Variants in MED12L observed in about 807,000 individuals in gnomAD.
The protein encoded by MED12L is mediator of RNA polymerase II transcription subunit 12-like protein.
Under a neutral mutation model 281.3 loss-of-function variants are expected in MED12L, and 60 were observed. The observed-to-expected ratio is 0.21, with a 90% CI of 0.17 to 0.26. The LOEUF (loss-of-function observed/expected upper bound fraction) is 0.26. Ranked by LOEUF, MED12L falls within the 10% of genes least tolerant of loss-of-function variation. The probability of loss-of-function intolerance (pLI) is 1.00; values close to 1 mark genes in which losing one functional copy is unlikely to be tolerated. For synonymous variants in MED12L, 974 were observed against 987.2 expected, an observed-to-expected ratio of 0.99 and a Z score of 0.25; for missense variants, 2,146 against 2,680.9, an observed-to-expected ratio of 0.80 and a Z score of 4.41.
chr3:151,369,376 T>C, intron 25 of MED12L, 60 bp from the exon 26 acceptor site: 1 of 1,209,960 alleles, frequency 8.3e-7, no homozygotes, highest in Non-Finnish European at 1.2e-6. Flanking sequence ...TGCCTGTAAA[T>C]AATTACAAAA....
At chr3:151,122,715 A>G in intron 3 of MED12L, 68 bp from the exon 4 acceptor site, 1 of 1,028,718 alleles carries the variant, frequency 9.7e-7, no homozygotes, top group South Asian at 2.5e-5. Context: ...AAAGAAAAAT[A>G]CTAATGTACA....
intron 11 of MED12L, among the ~76,000 whole-genome samples, chr3:151,181,734 C>T (rs1722727432): frequency 1.3e-5 from 2 of 151,794 alleles, no homozygotes; most frequent in African/African-American, 4.8e-5. Context: ...TACAGGCATG[C>T]GCCACCATAC....
intron 5 of MED12L, among the ~76,000 whole-genome samples, chr3:151,138,315 CTT>C (rs1175613789): frequency 1.8e-4 from 28 of 151,968 alleles, no homozygotes; most frequent in Admixed American, 1.8e-3. Flanking sequence ...GTTAAAAAAA[CTT>C]TTTAGATTTA....
chr3:151,106,233 CTTCCT>C (rs574571446), intron 2 of MED12L, among the ~76,000 whole-genome samples: 56 of 139,456 alleles, frequency 4.0e-4, no homozygotes, highest in South Asian at 2.4e-3. Context: ...TCCTTCCTTC[CTTCCT>C]TTCCTTTCCT....
Position 151,221,602 on chromosome 3 carries a change from G to T in MED12L, c.2250+27936G>T, listed in dbSNP as rs1344328027. Reference sequence around the variant, plus strand: ...AGAGCTCAGGTCATGGCTTCAGAGGGTGCAAGCCTCAAGCCTTGGCAGCTT... The same window carrying T: ...AGAGCTCAGGTCATGGCTTCAGAGGTTGCAAGCCTCAAGCCTTGGCAGCTT... On this transcript the variant is annotated intron_variant, in intron 16 of 44. Transcript: ENST00000687756. 3.3e-5 allele frequency among the ~76,000 whole-genome samples: 5 copies of T among 152,178 alleles called. No individual in the cohort carries two copies. In the East Asian group the frequency reaches 9.7e-4, roughly 29 times the overall value.
rs577591583 is a variant in MED12L, at chr3:151,109,308, C to T, written c.100-7030C>T. ...CTGACCTCTCGGGATCTGCCTGCCT[C>T]GGCCTCCCAAAGTGCGTGAGCCACC... is the stretch of plus-strand genomic sequence containing the variant. On this transcript the variant is annotated intron_variant, in intron 2 of 44. Coordinates refer to ENST00000687756, the MANE Select transcript of MED12L (RefSeq NM_001393769.1). Among the ~76,000 whole-genome samples the T allele has an allele frequency of 1.1e-4, 17 of 152,306 alleles. No homozygotes were observed. The South Asian group carries it at 1.2e-3, about 11-fold the overall frequency.
chr3:151,334,196 C>CATTTTTTTTTTTTT (rs1750689705), intron 16 of MED12L, among the ~76,000 whole-genome samples: 1 of 118,230 alleles, frequency 8.5e-6, no homozygotes, highest in African/African-American at 3.2e-5. Flanking sequence ...TTCTTTCTTT[C>CATTTTTTTTTTTTT]TTTTTTTTTT....
At chr3:151,406,570 C>A (rs1271439689) in intron 39 of MED12L, among the ~76,000 whole-genome samples, 1 of 152,060 alleles carries the variant, frequency 6.6e-6, no homozygotes, top group African/African-American at 2.4e-5. Flanking sequence ...TATGTTGGGA[C>A]AAACTGGTGG....
In MED12L at chr3:151,380,145, C is replaced by G. The variant is rs1711994211; in HGVS notation, c.4511C>G (p.Ser1504Ter). 1 of 1,606,234 alleles carries G rather than the reference C, an allele frequency of 6.2e-7. No individual in the cohort carries two copies. Among genetic ancestry groups the G allele is most frequent in the Admixed American group, 1.8e-5 (1 of 57,072 alleles). ...CTTTTGAGTCAACAACCCTTCCTCT[C>G]ACTGGTACTTACCTGCCTTAAGGGA... ...MSLLSQQPFL[S>*]LVLTCLKGQD... is the part of the protein sequence containing the mutation. The change falls in exon 32 of 45, where the codon TCA becomes TGA. Residue 1504 changes from serine (S) to a stop codon, truncating the protein, a stop_gained. Coordinates refer to ENST00000687756, the MANE Select transcript of MED12L (RefSeq NM_001393769.1). LOFTEE classifies it high-confidence loss of function.
chr3:151,369,440 A>G lies in MED12L; in HGVS notation c.3555A>G (p.Lys1185=), dbSNP rs140181204. The G allele has an allele frequency of 1.3e-4, 215 of 1,599,166 alleles. No individual in the cohort carries two copies. Among genetic ancestry groups the G allele is most frequent in the Non-Finnish European group, 1.7e-4 (197 of 1,172,828 alleles). Residue 1185 remains lysine (K), a synonymous_variant, in exon 26 of 45, where the codon AAA becomes AAG. Transcript: ENST00000687756. The part of the protein sequence containing the change: ...QACFLPQATG[K]PFPGIRSSCD... ...AAAGATTTGTTGTTTTTGTAGGCAA[A>G]CCTTTCCCTGGAATAAGATCATCTT...
rs911052792 is a variant in MED12L, at chr3:151,434,276, C to A, written c.*1472C>A. The A allele has an allele frequency of 6.6e-6, 1 of 152,202 alleles. No homozygotes were observed. The highest frequency in any genetic ancestry group is 1.9e-4 in the East Asian group (1 of 5,180). The allele number at this position is 152,202 out of a possible 1,614,324, so 9.4% of individuals were successfully genotyped here. On this transcript the variant is annotated 3_prime_UTR_variant, in exon 45 of 45. Transcript: ENST00000687756. ...TTAGTAGACATTTTCTTTTGCAAAT[C>A]ATTATCTATAAATAATTTATATCTT...
chr3:151,387,084 G>A (rs1460542588), intron 36 of MED12L, among the ~76,000 whole-genome samples: 1 of 152,168 alleles, frequency 6.6e-6, no homozygotes, highest in African/African-American at 2.4e-5. Flanking sequence ...ACATCTTAGG[G>A]AATGACTGAG....
intron 43 of MED12L, among the ~76,000 whole-genome samples, chr3:151,421,368 C>T (rs1718226950): frequency 6.6e-6 from 1 of 151,718 alleles, no homozygotes; most frequent in Non-Finnish European, 1.5e-5. Flanking sequence ...CACTAGTTTT[C>T]CAATCATGCT....
At chr3:151,301,038 T>C (rs561916536) in intron 16 of MED12L, among the ~76,000 whole-genome samples, 1 of 152,308 alleles carries the variant, frequency 6.6e-6, no homozygotes, top group South Asian at 2.1e-4. Context: ...AGTCTATCCA[T>C]ACGTCACCTT....
chr3:151,365,578 A>G (rs1471092326), intron 22 of MED12L, among the ~76,000 whole-genome samples: 1 of 152,234 alleles, frequency 6.6e-6, no homozygotes, highest in African/African-American at 2.4e-5. Context: ...TGTAAATCGT[A>G]GCTCAGATTT....
chr3:151,152,673 G>A (rs886646991), intron 5 of MED12L, among the ~76,000 whole-genome samples: 1 of 152,120 alleles, frequency 6.6e-6, no homozygotes, highest in Non-Finnish European at 1.5e-5. Flanking sequence ...TGACTCTGAG[G>A]CATATGTATA....
At chr3:151,318,826 T>C (rs1436212158) in intron 16 of MED12L, among the ~76,000 whole-genome samples, 4 of 152,212 alleles carry the variant, frequency 2.6e-5, no homozygotes, top group African/African-American at 9.7e-5. Flanking sequence ...TTTTCCTGTA[T>C]AATGAAGCAT....
chr3:151,406,003 T>G (rs1716257710), intron 39 of MED12L, among the ~76,000 whole-genome samples: 1 of 152,212 alleles, frequency 6.6e-6, no homozygotes, highest in Non-Finnish European at 1.5e-5. Context: ...ACTGAGCACT[T>G]ACTATATGTG....
chr3:151,281,404 T>C (rs1425218429), intron 16 of MED12L, among the ~76,000 whole-genome samples: 1 of 152,002 alleles, frequency 6.6e-6, no homozygotes, highest in Non-Finnish European at 1.5e-5. Context: ...AGTGAGACTC[T>C]GTCTCAAAAT....
Sources: gnomAD v4.1 joint callset for allele counts (sites outside exome capture counted in the v4.1 genomes callset) on GRCh38, gnomAD v4.1.1 for gene constraint, MANE v1.5 for transcripts, NCBI Gene and HGNC (gene_info 2026-07-23, HGNC 2026-07-21) for gene names.